The following SH3PXD2B variants were observed in gnomAD, a reference collection of about 807,000 sequenced individuals.
SH3PXD2B encodes SH3 and PX domain-containing protein 2B.
Under a neutral mutation model 73.1 loss-of-function variants are expected in SH3PXD2B, and 37 were observed. That is an observed-to-expected ratio of 0.51 (90% CI 0.39 to 0.67). The LOEUF is 0.67. Ranked by LOEUF, SH3PXD2B falls within the 30% of genes least tolerant of loss-of-function variation. SH3PXD2B has a pLI of 0.00. For synonymous variants in SH3PXD2B, 457 were observed against 480.5 expected (o/e 0.95, Z 0.64); for missense variants, 1,053 against 1,197.8 (o/e 0.88, Z 1.78).
In SH3PXD2B at chr5:172,350,342, G is replaced by A. The variant is rs370419480; in HGVS notation, c.1012+21C>T. 5.2e-4 allele frequency: 843 copies of A among 1,611,632 alleles called. 3 individuals are homozygous for A. In the Middle Eastern group the frequency reaches 0.011, roughly 20 times the overall value. On this transcript the variant is annotated intron_variant, in intron 10 of 12. Coordinates refer to ENST00000311601, the MANE Select transcript of SH3PXD2B (RefSeq NM_001017995.3). ...CACACAGGGGCCCTGATTATCAGGA[G>A]CTTGGGCGGGTGTCACTCACTCTGC...
chr5:172,390,684 A>T (rs1758162591), intron 4 of SH3PXD2B, among the ~76,000 whole-genome samples: 1 of 152,232 alleles, frequency 6.6e-6, no homozygotes, highest in South Asian at 2.1e-4. Flanking sequence ...GTTGCCATGA[A>T]CATTTGCAGC....
At chr5:172,433,558 G>A (rs1337046814) in intron 1 of SH3PXD2B, among the ~76,000 whole-genome samples, 1 of 152,150 alleles carries the variant, frequency 6.6e-6, no homozygotes, top group Admixed American at 6.5e-5. Context: ...CATCTTCTCC[G>A]TTACCCTGGC....
Position 172,338,211 on chromosome 5 carries a change from C to A in SH3PXD2B, c.*158G>T. 1.3e-6 allele frequency: 2 copies of A among 1,525,198 alleles called. No individual in the cohort carries two copies. The highest frequency in any genetic ancestry group is 1.4e-5 in the African/African-American group (1 of 72,420). The allele number at this position is 1,525,198 out of a possible 1,614,324, so 94.5% of individuals were successfully genotyped here. A position where few individuals can be genotyped will look rare whatever the true frequency, so the allele number is the denominator to read the frequency against. ...CAGGCCCAGGGGCGCCCGAGGTGTC[C>A]GAAACTCACTCTCCACCCATGGGAG... On this transcript the variant is annotated 3_prime_UTR_variant, in exon 13 of 13. Transcript: ENST00000311601. This position sits in a 1 kb window ranked among gnomAD's most constrained non-coding sequence, Gnocchi z 5.1.
rs1756750548 is a variant in SH3PXD2B at position 172,338,263 on chromosome 5, T to A, written c.*106A>T. 1.3e-6 allele frequency: 2 copies of A among 1,598,794 alleles called. No individual in the cohort carries two copies. Among genetic ancestry groups the A allele is most frequent in the East Asian group, 2.3e-5 (1 of 44,312 alleles). The stretch of plus-strand genomic sequence containing the variant: ...CAAGAAGTCACAGTACCCCAGAGTC[T>A]GTCTGCCTTGGAAGCTGCGTGGAGA... On this transcript the variant is annotated 3_prime_UTR_variant, in exon 13 of 13. Coordinates refer to ENST00000311601, the MANE Select transcript of SH3PXD2B (RefSeq NM_001017995.3). This position sits in a 1 kb window ranked among gnomAD's most constrained non-coding sequence, Gnocchi z 5.1.
chr5:172,390,992 C>T (rs1210171913), intron 4 of SH3PXD2B, among the ~76,000 whole-genome samples: 1 of 152,152 alleles, frequency 6.6e-6, no homozygotes, highest in African/African-American at 2.4e-5. Context: ...CAGGCATGCG[C>T]CACCTCGCCT....
intron 8 of SH3PXD2B, among the ~76,000 whole-genome samples, chr5:172,354,338 C>G (rs919010731): frequency 4.6e-5 from 7 of 152,198 alleles, no homozygotes; most frequent in Non-Finnish European, 8.8e-5. Context: ...TATTGCCCCC[C>G]ACCCATACTA....
At position 172,347,295 on chromosome 5, in the gene SH3PXD2B, C is replaced by T. The variant is rs144361577; in HGVS notation, c.1050G>A (p.Arg350=). 651 of 1,613,980 alleles carry T rather than the reference C, an allele frequency of 4.0e-4. No individual in the cohort carries two copies. Among genetic ancestry groups the T allele is most frequent in the Non-Finnish European group, 5.3e-4 (630 of 1,180,016 alleles). ...PKMRQRPPPR[R]DMTIPRGLNL... ...AGGATCCACTTACAATGGTCATGTC[C>T]CGGCGAGGAGGGGGTCTCTGCCTCA... Residue 350 remains arginine (R), a synonymous_variant, in exon 11 of 13, where the codon CGG becomes CGA. Transcript: ENST00000311601.
intron 6 of SH3PXD2B, among the ~76,000 whole-genome samples, chr5:172,365,145 C>A (rs1757485626): frequency 6.6e-6 from 1 of 152,186 alleles, no homozygotes; most frequent in Admixed American, 6.5e-5. Context: ...ATAGAGAAAG[C>A]ATGAGGAGAA....
At chr5:172,422,346 C>G in intron 2 of SH3PXD2B, 70 bp downstream of exon 2, 1 of 1,382,358 alleles carries the variant, frequency 7.2e-7, no homozygotes, top group Middle Eastern at 1.8e-4. Context: ...GACTCTAAAG[C>G]TGTAGTGGAA....
At chr5:172,329,555 T>TTTTTTTTTTTTTTTTTTTTTTTTTTG (rs1554133382), downstream of SH3PXD2B, among the ~76,000 whole-genome samples, 1 of 146,558 alleles carries the variant, frequency 6.8e-6, no homozygotes. Context: ...TTTTTTTTTT[T>TTTTTTTTTTTTTTTTTTTTTTTTTTG]GAGATGGAGT....
intron 12 of SH3PXD2B, among the ~76,000 whole-genome samples, chr5:172,343,912 G>C (rs549844766): frequency 6.6e-6 from 1 of 151,516 alleles, no homozygotes; most frequent in African/African-American, 2.4e-5. Flanking sequence ...TGTGTTACTA[G>C]AGGCAAATAA....
intron 6 of SH3PXD2B, among the ~76,000 whole-genome samples, chr5:172,369,306 G>T (rs1277697051): frequency 6.6e-6 from 1 of 151,730 alleles, no homozygotes; most frequent in Non-Finnish European, 1.5e-5. Flanking sequence ...AAATGAGAAA[G>T]AATTATTATT....
At chr5:172,326,407 A>G (rs930318994) in intron 12 of SH3PXD2B, among the ~76,000 whole-genome samples, 3 of 152,206 alleles carry the variant, frequency 2.0e-5, no homozygotes, top group Non-Finnish European at 4.4e-5. Flanking sequence ...GGATTGAACT[A>G]GGTTAAACAG....
chr5:172,351,777 CA>C (rs5873319), intron 9 of SH3PXD2B, among the ~76,000 whole-genome samples: 32,651 of 140,238 alleles, frequency 0.23, 3,699 homozygotes, highest in Middle Eastern at 0.3. Context: ...GGTTTTAATG[CA>C]AAAAAAAAAA....
At chr5:172,439,659 G>GGT (rs1759496073) in intron 1 of SH3PXD2B, among the ~76,000 whole-genome samples, 1 of 141,086 alleles carries the variant, frequency 7.1e-6, no homozygotes, top group African/African-American at 2.9e-5. Context: ...GTAAAAACCA[G>GGT]GTATGTGTGT....
At chr5:172,345,455 T>C (rs1160977890) in intron 12 of SH3PXD2B, among the ~76,000 whole-genome samples, 1 of 152,184 alleles carries the variant, frequency 6.6e-6, no homozygotes, top group Non-Finnish European at 1.5e-5. Flanking sequence ...GACCAACTCT[T>C]ACACATGACA....
chr5:172,447,279 A>G (rs925436532), intron 1 of SH3PXD2B, among the ~76,000 whole-genome samples: 6 of 152,168 alleles, frequency 3.9e-5, no homozygotes, highest in Non-Finnish European at 8.8e-5. Flanking sequence ...TTCGTTTGTA[A>G]TCAGGTGAAA....
downstream of SH3PXD2B, among the ~76,000 whole-genome samples, chr5:172,329,540 CTTT>C (rs370876232): frequency 9.4e-5 from 10 of 106,432 alleles, no homozygotes; most frequent in African/African-American, 1.4e-4. Context: ...CTTTGTTATT[CTTT>C]TTTTTTTTTT....
intron 2 of SH3PXD2B, among the ~76,000 whole-genome samples, chr5:172,408,857 A>T (rs201666347): frequency 2.1e-5 from 3 of 144,862 alleles, no homozygotes; most frequent in Admixed American, 6.9e-5. Flanking sequence ...TTTAATTTTT[A>T]AATTTCTAAA....
Sources: allele counts gnomAD v4.1 joint callset (sites outside exome capture counted in the v4.1 genomes callset), GRCh38; gene constraint gnomAD v4.1.1; non-coding constraint Gnocchi (gnomAD v3.1); transcripts MANE v1.5; gene names NCBI Gene and HGNC (gene_info 2026-07-23, HGNC 2026-07-21).